Variants in VWA2 observed in about 807,000 individuals in gnomAD.
VWA2 encodes the protein von Willebrand factor A domain containing 2, also known as von Willebrand factor A domain-containing protein 2.
VWA2 carries 73 observed loss-of-function variants against 70.4 expected under a neutral mutation model. That is an observed-to-expected ratio of 1.04 (90% CI 0.86 to 1.26). The LOEUF is 1.26. VWA2 is among the 50% of genes most tolerant of loss of function. The probability of loss-of-function intolerance (pLI) is 0.00; values close to 1 mark genes in which losing one functional copy is unlikely to be tolerated. For missense variants in VWA2, 1,011 were observed against 998.5 expected, an observed-to-expected ratio of 1.01 and a Z score of -0.17; for synonymous variants, 407 against 423.3, an observed-to-expected ratio of 0.96 and a Z score of 0.47.
chr10:114,262,880 T>G (rs1342489847), intron 5 of VWA2, among the ~76,000 whole-genome samples: 2 of 152,240 alleles, frequency 1.3e-5, no homozygotes, highest in South Asian at 2.1e-4. Flanking sequence ...TGGAGCCTTG[T>G]GCCCTTGGGG....
In VWA2 at chr10:114,286,443, C is replaced by G. The variant is rs186682529; in HGVS notation, c.1502C>G (p.Ser501Trp). The stretch of plus-strand genomic sequence containing the variant: ...AGCCCAAAGCATGTGATGGTCTACT[C>G]GGATCCTCAGGATCTGTTCAACCAA... ...TGSPKHVMVY[S>W]DPQDLFNQIP... The change falls in exon 11 of 14, where the codon TCG (serine) becomes TGG (tryptophan). Residue 501 changes from serine to tryptophan, a missense_variant. Ser to Trp is a radical substitution (Grantham distance 177). Coordinates refer to ENST00000392982, the MANE Select transcript of VWA2 (RefSeq NM_001272046.2). 2 of 1,612,320 alleles carry G rather than the reference C, an allele frequency of 1.2e-6. No homozygotes were observed. Among genetic ancestry groups the G allele is most frequent in the African/African-American group, 1.3e-5 (1 of 74,940 alleles).
intron 8 of VWA2, among the ~76,000 whole-genome samples, chr10:114,280,378 G>C (rs1380807848): frequency 2.0e-5 from 3 of 151,958 alleles, no homozygotes; most frequent in Non-Finnish European, 2.9e-5. Context: ...AAAATAAACT[G>C]TTCAGTGGTA....
chr10:114,268,627 C>T (rs1326100758), intron 5 of VWA2, among the ~76,000 whole-genome samples: 5 of 152,118 alleles, frequency 3.3e-5, no homozygotes, highest in Non-Finnish European at 7.3e-5. Context: ...AGAAATAGAC[C>T]CTGAGCTCAG....
rs780205232 is a variant in VWA2, at chr10:114,286,071, ACTCT to A, written c.1132_1135del (p.Ser378GlyfsTer43). On this transcript the variant is annotated frameshift_variant, in exon 11 of 14. Transcript: ENST00000392982. LOFTEE classifies it high-confidence loss of function. ...TTTGTGCGGGCCGTGCTGAGCGAGG[ACTCT>A]CGGGCCCGAGTGGGTGTGGCCACAT... The A allele has an allele frequency of 6.2e-7, 1 of 1,613,664 alleles. No homozygotes were observed. Among genetic ancestry groups the A allele is most frequent in the South Asian group, 1.1e-5 (1 of 91,054 alleles).
intron 10 of VWA2, 134 bp from the exon 11 acceptor site, chr10:114,285,805 G>C: frequency 1.0e-6 from 1 of 953,002 alleles, no homozygotes; most frequent in East Asian, 2.7e-5. Context: ...GACGAGCACG[G>C]GTCACTTAAG....
intron 5 of VWA2, among the ~76,000 whole-genome samples, chr10:114,265,633 T>G (rs2037545843): frequency 6.6e-6 from 1 of 152,206 alleles, no homozygotes; most frequent in Non-Finnish European, 1.5e-5. Flanking sequence ...AGATGATTAG[T>G]TGAGCTGCTT....
At chr10:114,269,306 C>T (rs142248545) in intron 5 of VWA2, among the ~76,000 whole-genome samples, 1,587 of 152,026 alleles carry the variant, frequency 0.01, 25 homozygotes, top group Non-Finnish European at 0.012. Flanking sequence ...ATGGGCCAGG[C>T]GTGGTGGCCC....
chr10:114,282,481 T>G, intron 8 of VWA2, 35 bp from the exon 9 acceptor site: 2 of 1,589,724 alleles, frequency 1.3e-6, no homozygotes, highest in Non-Finnish European at 1.7e-6. Flanking sequence ...CTTACACCTC[T>G]GATCTGTCTA....
intron 13 of VWA2, among the ~76,000 whole-genome samples, chr10:114,290,914 C>T (rs941158476): frequency 6.6e-6 from 1 of 152,102 alleles, no homozygotes; most frequent in Non-Finnish European, 1.5e-5. Flanking sequence ...AGAGAGTGAT[C>T]GTTGGGAGGC....
intron 1 of VWA2, chr10:114,246,177 C>T: frequency 8.4e-7 from 1 of 1,188,278 alleles, no homozygotes; most frequent in South Asian, 1.2e-5. Context: ...CCTTTTGAGG[C>T]AAACGTACAC....
intron 5 of VWA2, among the ~76,000 whole-genome samples, chr10:114,271,220 G>GA (rs558930595): frequency 1.3e-5 from 2 of 151,806 alleles, no homozygotes; most frequent in African/African-American, 4.8e-5. Flanking sequence ...CTCACAGGTT[G>GA]AAAAAAAAGT....
chr10:114,247,266 T>C (rs2037092416), intron 1 of VWA2, among the ~76,000 whole-genome samples: 1 of 152,202 alleles, frequency 6.6e-6, no homozygotes, highest in Admixed American at 6.5e-5. Flanking sequence ...TCTGTGTCTG[T>C]CCAGCACCCC....
In VWA2 at chr10:114,255,010, A is replaced by G. The variant is rs75028145; in HGVS notation, c.223A>G (p.Ile75Val). ...CTTTGAAAGGTCCAAGCACTTTGCC[A>G]TCACAGTCTGTGACGGTCTGGACAT... is the stretch of plus-strand genomic sequence containing the variant. ...GSFERSKHFAITVCDGLDISP... is the reference protein window; with the variant it reads ...GSFERSKHFAVTVCDGLDISP... Residue 75 changes from isoleucine to valine, a missense_variant, in exon 4 of 14, where the codon ATC becomes GTC. Physicochemically the swap from Ile to Val is conservative, Grantham distance 29. Coordinates refer to ENST00000392982, the MANE Select transcript of VWA2 (RefSeq NM_001272046.2). The G allele has an allele frequency of 2.5e-6, 4 of 1,613,004 alleles. No individual in the cohort carries two copies. Among genetic ancestry groups the G allele is most frequent in the Non-Finnish European group, 3.4e-6 (4 of 1,179,948 alleles).
chr10:114,270,176 T>A (rs1343115710), intron 5 of VWA2, among the ~76,000 whole-genome samples: 1 of 152,088 alleles, frequency 6.6e-6, no homozygotes, highest in Non-Finnish European at 1.5e-5. Context: ...GGGCTTAAAC[T>A]CCAGTTCCGA....
intron 5 of VWA2, 21 bp from the exon 6 acceptor site, chr10:114,272,719 T>A: frequency 6.5e-7 from 1 of 1,542,934 alleles, no homozygotes; most frequent in Non-Finnish European, 8.8e-7. Flanking sequence ...TTCTTTCTTT[T>A]TTCCTTCTGG....
chr10:114,252,441 C>T (rs910313163), intron 2 of VWA2, among the ~76,000 whole-genome samples: 3 of 152,022 alleles, frequency 2.0e-5, no homozygotes, highest in East Asian at 3.9e-4. Context: ...GACTAGTGAA[C>T]GGGAAGGAGC....
chr10:114,284,379 G>A (rs1159957498), intron 9 of VWA2, among the ~76,000 whole-genome samples: 3 of 152,310 alleles, frequency 2.0e-5, no homozygotes, highest in African/African-American at 7.2e-5. Context: ...ATGAAGATGG[G>A]AGAGGTTAAT....
intron 8 of VWA2, chr10:114,281,859 G>A (rs893604963): frequency 2.1e-5 from 12 of 561,288 alleles, no homozygotes; most frequent in Non-Finnish European, 1.1e-5. Context: ...CATGTCTGTG[G>A]TCACACAGCC....
intron 10 of VWA2, 26 bp from the exon 11 acceptor site, chr10:114,285,913 A>G (rs751912368): frequency 1.3e-6 from 2 of 1,556,316 alleles, no homozygotes; most frequent in East Asian, 2.3e-5. Context: ...ATGGCTTGAC[A>G]GTGGGTGTTG....
Sources: gnomAD v4.1 joint callset for allele counts (sites outside exome capture counted in the v4.1 genomes callset) on GRCh38, gnomAD v4.1.1 for gene constraint, MANE v1.5 for transcripts, NCBI Gene and HGNC (gene_info 2026-07-23, HGNC 2026-07-21) for gene names.